The following INPP5B variants were observed in gnomAD, a reference collection of about 807,000 sequenced individuals.
The protein encoded by INPP5B is type II inositol 1,4,5-trisphosphate 5-phosphatase.
In INPP5B, 90 loss-of-function variants were observed where a neutral mutation model predicts 118.5. That is an observed-to-expected ratio of 0.76 (90% CI 0.64 to 0.90). The LOEUF is 0.90. Among genes scored for constraint, INPP5B ranks in the 40% least tolerant of loss-of-function variants. The probability of loss-of-function intolerance (pLI) is 0.00; values close to 1 mark genes in which losing one functional copy is unlikely to be tolerated. For missense variants in INPP5B, 984 were observed against 1,125.6 expected (o/e 0.87, Z 1.80); for synonymous variants, 385 against 418.9 (o/e 0.92, Z 0.99).
chr1:37,891,127 T>C (rs1041187517), intron 8 of INPP5B, among the ~76,000 whole-genome samples: 1 of 151,024 alleles, frequency 6.6e-6, no homozygotes. Flanking sequence ...TCAAGAAAGC[T>C]GAGGCAGGAG....
intron 12 of INPP5B, 29 bp from the exon 13 acceptor site, chr1:37,885,854 A>G (rs750581837): frequency 1.0e-5 from 16 of 1,603,656 alleles, no homozygotes; most frequent in Admixed American, 1.7e-5. Flanking sequence ...AAGAAATCCA[A>G]TTCAAACTTA....
intron 10 of INPP5B, among the ~76,000 whole-genome samples, chr1:37,887,786 C>G (rs1356244680): frequency 1.3e-5 from 2 of 151,896 alleles, no homozygotes; most frequent in African/African-American, 2.4e-5. Flanking sequence ...ATTATGAATT[C>G]TAGTTCTTTT....
At chr1:37,939,599 C>T (rs1170087407) in intron 6 of INPP5B, among the ~76,000 whole-genome samples, 3 of 151,714 alleles carry the variant, frequency 2.0e-5, no homozygotes, top group African/African-American at 7.3e-5. Context: ...CGCCCGCCAC[C>T]ATGCCCGGCT....
intron 7 of INPP5B, chr1:37,931,543 G>A: frequency 1.3e-6 from 2 of 1,536,782 alleles, no homozygotes; most frequent in Non-Finnish European, 1.7e-6. Context: ...AGCCTCCAGA[G>A]GGCCACCAGG....
chr1:37,893,397 C>T (rs1288708151), intron 7 of INPP5B, among the ~76,000 whole-genome samples: 1 of 152,006 alleles, frequency 6.6e-6, no homozygotes, highest in Middle Eastern at 3.2e-3. Flanking sequence ...ATCTCTGTTG[C>T]TTATAAACCA....
intron 7 of INPP5B, among the ~76,000 whole-genome samples, chr1:37,897,338 T>A (rs1293325298): frequency 6.7e-6 from 1 of 149,480 alleles, no homozygotes. Context: ...GGTTGCCGTG[T>A]CTGTGTAGAA....
At chr1:37,899,357 A>G (rs1030051218) in intron 7 of INPP5B, among the ~76,000 whole-genome samples, 3 of 151,876 alleles carry the variant, frequency 2.0e-5, no homozygotes, top group Admixed American at 6.6e-5. Flanking sequence ...TGAGGTTGGG[A>G]GTTCGAGACC....
At chr1:37,931,853 C>T in intron 7 of INPP5B, 60 bp downstream of exon 7, 1 of 1,612,498 alleles carries the variant, frequency 6.2e-7, no homozygotes, top group Non-Finnish European at 8.5e-7. Context: ...AGAACGGAGC[C>T]CGCCCCCTGT....
chr1:37,913,039 C>G (rs1012644370), intron 7 of INPP5B, among the ~76,000 whole-genome samples: 1 of 151,702 alleles, frequency 6.6e-6, no homozygotes, highest in African/African-American at 2.4e-5. Context: ...GGGCAGATCA[C>G]GAGGTCAGGA....
intron 7 of INPP5B, 73 bp downstream of exon 7, chr1:37,931,840 A>T (rs1453116695): frequency 1.2e-6 from 2 of 1,610,924 alleles, no homozygotes; most frequent in Non-Finnish European, 8.5e-7. Flanking sequence ...TCCGCCCCAA[A>T]ACAGAACGGA....
At chr1:37,866,610 G>T in intron 20 of INPP5B, 67 bp from the exon 21 acceptor site, 1 of 949,196 alleles carries the variant, frequency 1.1e-6, no homozygotes, top group Non-Finnish European at 1.7e-6. Context: ...TTCCTGACCT[G>T]GCAATATCAA....
intron 5 of INPP5B, chr1:37,941,958 A>AAAAAAAAAAAATATATATATATATAT (rs1427344681): frequency 9.9e-5 from 3 of 30,384 alleles, no homozygotes; most frequent in East Asian, 9.6e-4. Context: ...AAAAAAAAAA[A>AAAAAAAAAAAATATATATATATATAT]ATATATATAT....
chr1:37,912,643 G>GGATA (rs1644738280), intron 7 of INPP5B, among the ~76,000 whole-genome samples: 1 of 151,998 alleles, frequency 6.6e-6, no homozygotes, highest in African/African-American at 2.4e-5. Flanking sequence ...CCATTGTAGC[G>GGATA]GATATCTCCT....
In INPP5B at chr1:37,887,117, T is replaced by C. The variant is rs879232120; in HGVS notation, c.1015-113A>G. On this transcript the variant is annotated intron_variant, in intron 11 of 23. Coordinates refer to ENST00000373024, the MANE Select transcript of INPP5B (RefSeq NM_005540.3). ...TATTCACGTGTCTCCTTCTCCACAC[T>C]AGAACACAGGTAATCATCTGTTCAA... The C allele has an allele frequency of 5.5e-5, 47 of 852,620 alleles. No individual in the cohort carries two copies. The South Asian group carries it at 6.9e-4, about 13-fold the overall frequency. The allele number at this position is 852,620 out of a possible 1,614,324, so 52.8% of individuals were successfully genotyped here.
rs1371433291 is a variant in INPP5B at position 37,868,521 on chromosome 1, A to G, written c.2281T>C (p.Tyr761His). ...KELWMMVDYL[Y>H]RNAVQQEDLF... ...CCTACCTGCTGGACAGCATTTCGGTACAGGTAATCAACCATCATCCAGAGC... is the reference window on the plus strand; with the variant it reads ...CCTACCTGCTGGACAGCATTTCGGTGCAGGTAATCAACCATCATCCAGAGC... The change falls in exon 20 of 24, where the codon TAC (tyrosine) becomes CAC (histidine). Residue 761 changes from tyrosine (Y) to histidine (H), a missense_variant. Physicochemically the swap from Tyr to His is moderately conservative, Grantham distance 83 (BLOSUM62 2). Transcript: ENST00000373024. 5.6e-6 allele frequency: 9 copies of G among 1,613,272 alleles called. No homozygotes were observed. Among genetic ancestry groups the G allele is most frequent in the Non-Finnish European group, 6.8e-6 (8 of 1,179,324 alleles).
At chr1:37,942,819 G>A (rs999924314) in intron 5 of INPP5B, among the ~76,000 whole-genome samples, 3 of 151,604 alleles carry the variant, frequency 2.0e-5, no homozygotes, top group African/African-American at 7.3e-5. Flanking sequence ...AGAGGCAGGG[G>A]AATCACTTGA....
intron 16 of INPP5B, among the ~76,000 whole-genome samples, chr1:37,876,292 T>C (rs1465869341): frequency 6.6e-6 from 1 of 151,304 alleles, no homozygotes; most frequent in Non-Finnish European, 1.5e-5. Context: ...TTTGTAGAGA[T>C]GAGGGGTTTT....
In INPP5B at chr1:37,889,623, C is replaced by T. The variant is rs368572603; in HGVS notation, c.731G>A (p.Arg244Gln). Residue 244 changes from arginine to glutamine, a missense_variant, in exon 9 of 24, where the codon CGA becomes CAA. Transcript: ENST00000373024. Reference protein sequence around the residue: ...HILSMQKFGLRDTIVKSHLLQ... With the variant: ...HILSMQKFGLQDTIVKSHLLQ... The stretch of plus-strand genomic sequence containing the variant: ...TAGATGTGATTTCACAATTGTATCT[C>T]GCAGTCCAAACTTCTGCATGGATAA... 9 of 1,613,716 alleles carry T rather than the reference C, an allele frequency of 5.6e-6. No individual in the cohort carries two copies. Among genetic ancestry groups the T allele is most frequent in the African/African-American group, 1.3e-5 (1 of 74,920 alleles).
At position 37,864,353 on chromosome 1, in the gene INPP5B, A is replaced by G; in HGVS notation, c.2585T>C (p.Leu862Pro). The change falls in exon 23 of 24, where the codon CTG becomes CCG. Residue 862 changes from leucine (L) to proline (P), a missense_variant. Transcript: ENST00000373024. ...HYLMAFLREL[L>P]KNSAKNHLDE... Reference sequence around the variant, plus strand: ...CAAATGATTTTTTGCTGAATTTTTCAGCAGTTCTCGCAAAAACGCCATCAA... The same window carrying G: ...CAAATGATTTTTTGCTGAATTTTTCGGCAGTTCTCGCAAAAACGCCATCAA... The G allele has an allele frequency of 6.2e-7, 1 of 1,612,988 alleles. No homozygotes were observed. Among genetic ancestry groups the G allele is most frequent in the Admixed American group, 1.7e-5 (1 of 59,996 alleles).
Sources: gnomAD v4.1 joint callset for allele counts (sites outside exome capture counted in the v4.1 genomes callset) on GRCh38, gnomAD v4.1.1 for gene constraint, MANE v1.5 for transcripts, NCBI Gene and HGNC (gene_info 2026-07-23, HGNC 2026-07-21) for gene names.